The following RGS5 variants were observed in gnomAD, a reference collection of about 807,000 sequenced individuals.
RGS5 encodes regulator of G protein signaling 5, also known as regulator of G-protein signalling 5.
A neutral mutation model predicts 18.9 loss-of-function variants in RGS5; 20 were observed. The ratio of observed to expected loss-of-function variants is 1.06; its 90% CI spans 0.74 to 1.54. The LOEUF is 1.54. Among genes scored for constraint, RGS5 ranks in the 40% most tolerant of loss-of-function variants. RGS5 has a pLI of 0.00. For missense variants in RGS5, 201 were observed against 211.8 expected, an observed-to-expected ratio of 0.95 and a Z score of 0.32; for synonymous variants, 57 against 76.2, an observed-to-expected ratio of 0.75 and a Z score of 1.31.
intron 1 of RGS5, among the ~76,000 whole-genome samples, chr1:163,315,572 T>C (rs923432366): frequency 2.6e-5 from 4 of 152,206 alleles, no homozygotes; most frequent in South Asian, 2.1e-4. Context: ...AACTTTTTGC[T>C]TCCTTGGATC....
At chr1:163,308,833 G>A (rs1260255729) in intron 1 of RGS5, among the ~76,000 whole-genome samples, 5 of 152,086 alleles carry the variant, frequency 3.3e-5, no homozygotes, top group African/African-American at 2.4e-5. Context: ...ACAATAAAGG[G>A]AATGACACAA....
chr1:163,262,939 TC>T (rs1212900215), intron 2 of RGS5, among the ~76,000 whole-genome samples: 2 of 152,102 alleles, frequency 1.3e-5, no homozygotes, highest in South Asian at 2.1e-4. Context: ...AGTGGTAAAT[TC>T]TCTACTGGGC....
chr1:163,204,556 T>C (rs1659897607), upstream of RGS5, among the ~76,000 whole-genome samples: 1 of 152,134 alleles, frequency 6.6e-6, no homozygotes, highest in Non-Finnish European at 1.5e-5. Flanking sequence ...AGTTTTGGTG[T>C]CCAGGCTGGT....
intron 2 of RGS5, among the ~76,000 whole-genome samples, chr1:163,265,146 A>G (rs957004777): frequency 1.3e-5 from 2 of 152,168 alleles, no homozygotes; most frequent in Non-Finnish European, 1.5e-5. Flanking sequence ...AGGTTAGTCC[A>G]TAGTTTCCTT....
rs368720924 is a variant in RGS5 at position 163,216,194 on chromosome 1, G to A, written c.69+1332C>T. 4.6e-5 allele frequency among the ~76,000 whole-genome samples: 7 copies of A among 152,248 alleles called. No homozygotes were observed. The East Asian group carries it at 1.4e-3, about 29-fold the overall frequency. On this transcript the variant is annotated intron_variant, in intron 1 of 5. Transcript: ENST00000367903. ...TGGGAGTCGGGAAGGAACCCATGAA[G>A]AGCACTCCTTACCCCGTCTCAGCCC...
intron 2 of RGS5, among the ~76,000 whole-genome samples, chr1:163,302,967 C>T (rs961002460): frequency 6.6e-6 from 1 of 152,162 alleles, no homozygotes; most frequent in African/African-American, 2.4e-5. Context: ...ATTTGACTCT[C>T]ATTTGCTCCT....
chr1:163,264,962 C>T (rs948545804), intron 2 of RGS5, among the ~76,000 whole-genome samples: 1 of 152,070 alleles, frequency 6.6e-6, no homozygotes, highest in African/African-American at 2.4e-5. Flanking sequence ...GTAAACCCAG[C>T]CACATGCCTT....
chr1:163,265,947 C>G (rs984870601), intron 2 of RGS5, among the ~76,000 whole-genome samples: 48 of 152,072 alleles, frequency 3.2e-4, no homozygotes, highest in Admixed American at 6.6e-5. Context: ...AATCAACCCC[C>G]AAATAAATAT....
At chr1:163,223,662 T>C (rs1333645583) in intron 2 of RGS5, among the ~76,000 whole-genome samples, 1 of 152,238 alleles carries the variant, frequency 6.6e-6, no homozygotes, top group Non-Finnish European at 1.5e-5. Context: ...CTTCCAGCTA[T>C]ACTCTAGAGT....
At chr1:163,227,945 G>A (rs1235793574) in intron 2 of RGS5, among the ~76,000 whole-genome samples, 1 of 152,238 alleles carries the variant, frequency 6.6e-6, no homozygotes, top group Non-Finnish European at 1.5e-5. Flanking sequence ...TCACACTGAT[G>A]CAAGAGGTGA....
chr1:163,281,360 T>C (rs540405690), intron 2 of RGS5, among the ~76,000 whole-genome samples: 1 of 152,158 alleles, frequency 6.6e-6, no homozygotes, highest in East Asian at 1.9e-4. Context: ...ACAGGAAGCA[T>C]GATGCTAGCA....
At chr1:163,280,576 G>C (rs1348221827) in intron 2 of RGS5, among the ~76,000 whole-genome samples, 1 of 151,948 alleles carries the variant, frequency 6.6e-6, no homozygotes, top group Non-Finnish European at 1.5e-5. Flanking sequence ...AAGATCTCTA[G>C]AAGGAAAACT....
At chr1:163,181,244 T>C (rs1443667007) in intron 1 of RGS5, among the ~76,000 whole-genome samples, 1 of 152,086 alleles carries the variant, frequency 6.6e-6, no homozygotes, top group Non-Finnish European at 1.5e-5. Flanking sequence ...TTATTTCCCA[T>C]TATTCTCCAC....
intron 2 of RGS5, among the ~76,000 whole-genome samples, chr1:163,230,267 C>T (rs1447758301): frequency 6.6e-6 from 1 of 152,082 alleles, no homozygotes; most frequent in Non-Finnish European, 1.5e-5. Flanking sequence ...CCATAATTTC[C>T]CTCTTTACCT....
chr1:163,217,649 T>A, upstream of RGS5: 3 of 1,513,224 alleles, frequency 2.0e-6, no homozygotes, highest in Non-Finnish European at 2.6e-6. Flanking sequence ...CCTGGGCTAG[T>A]GTTCCTTAGA....
intron 1 of RGS5, among the ~76,000 whole-genome samples, chr1:163,189,031 A>G (rs919468911): frequency 6.6e-6 from 1 of 151,724 alleles, no homozygotes; most frequent in Non-Finnish European, 1.5e-5. Context: ...CTTTCCCCAC[A>G]TAAATGCCAT....
chr1:163,239,194 G>A (rs370791219), intron 2 of RGS5: 198 of 155,260 alleles, frequency 1.3e-3, no homozygotes, highest in Middle Eastern at 2.7e-3. Context: ...AGTGGTTTCC[G>A]GCTGGGCACG....
chr1:163,194,121 C>T (rs547771082), intron 1 of RGS5, among the ~76,000 whole-genome samples: 2 of 152,210 alleles, frequency 1.3e-5, no homozygotes, highest in South Asian at 4.2e-4. Context: ...CCGAGACCAC[C>T]CTTTTTCTTC....
chr1:163,290,465 T>C (rs1649254126), intron 2 of RGS5, among the ~76,000 whole-genome samples: 1 of 152,188 alleles, frequency 6.6e-6, no homozygotes, highest in Non-Finnish European at 1.5e-5. Context: ...TTCTTCATTG[T>C]TTACTAAGCC....
Sources: gnomAD v4.1 joint callset for allele counts (sites outside exome capture counted in the v4.1 genomes callset) on GRCh38, gnomAD v4.1.1 for gene constraint, MANE v1.5 for transcripts, NCBI Gene and HGNC (gene_info 2026-07-23, HGNC 2026-07-21) for gene names.